The following RNF182 variants were observed in gnomAD, a reference collection of about 807,000 sequenced individuals.
The protein encoded by RNF182 is ring finger protein 182, also known as E3 ubiquitin-protein ligase RNF182.
RNF182 carries 15 observed loss-of-function variants against 14.4 expected under a neutral mutation model. The ratio of observed to expected loss-of-function variants is 1.04; its 90% CI spans 0.70 to 1.60. The LOEUF (loss-of-function observed/expected upper bound fraction) is 1.60. Among genes scored for constraint, RNF182 ranks in the 40% most tolerant of loss-of-function variants. The pLI, the probability that RNF182 is intolerant of heterozygous loss-of-function variation, is 0.00. For synonymous variants in RNF182, 128 were observed against 122.9 expected (o/e 1.04, Z -0.27); for missense variants, 268 against 294.8 (o/e 0.91, Z 0.67).
intron 1 of RNF182, among the ~76,000 whole-genome samples, chr6:13,954,277 A>G (rs1343577602): frequency 6.6e-6 from 1 of 152,218 alleles, no homozygotes; most frequent in Non-Finnish European, 1.5e-5. Flanking sequence ...CACACCAGAA[A>G]ACAATTGCAG....
rs1581264907 is a variant in RNF182 at position 13,977,450 on chromosome 6, A to C, written c.331A>C (p.Thr111Pro). 6.2e-7 allele frequency: 1 copy of C among 1,614,084 alleles called. No homozygotes were observed. The highest frequency in any genetic ancestry group is 2.2e-5 in the East Asian group (1 of 44,868). The change falls in exon 3 of 3, where the codon ACC becomes CCC. Residue 111 changes from threonine (T) to proline (P), a missense_variant. Thr to Pro is a conservative substitution (Grantham distance 38, BLOSUM62 -1). Coordinates refer to ENST00000488300, the MANE Select transcript of RNF182 (RefSeq NM_152737.4). ...LPENPTELLLTPKRLASLVSP... is the reference protein window; with the variant it reads ...LPENPTELLLPPKRLASLVSP... ...AGAGAACCCTACTGAGCTGCTGCTC[A>C]CCCCCAAGAGGCTGGCCTCTCTGGT...
intron 1 of RNF182, among the ~76,000 whole-genome samples, chr6:13,945,163 G>A (rs545416160): frequency 6.6e-6 from 1 of 152,278 alleles, no homozygotes; most frequent in East Asian, 1.9e-4. Context: ...TAGCCATCAA[G>A]CCCAGAATCT....
At chr6:13,932,106 A>G (rs958862538) in intron 1 of RNF182, among the ~76,000 whole-genome samples, 1 of 152,222 alleles carries the variant, frequency 6.6e-6, no homozygotes, top group African/African-American at 2.4e-5. Flanking sequence ...GCCATTCAGC[A>G]TATGGTATTT....
intron 1 of RNF182, among the ~76,000 whole-genome samples, chr6:13,929,236 A>G (rs1477935315): frequency 6.6e-6 from 1 of 152,216 alleles, no homozygotes; most frequent in Non-Finnish European, 1.5e-5. Context: ...CAATGGAACT[A>G]TAAAATAAAA....
intron 1 of RNF182, among the ~76,000 whole-genome samples, chr6:13,973,852 C>T (rs74696312): frequency 0.012 from 1,842 of 152,270 alleles, 33 homozygotes; most frequent in African/African-American, 0.042. Flanking sequence ...CCTAAGCTTG[C>T]ACCCCTAAAT....
At chr6:13,953,118 T>C (rs191108296) in intron 1 of RNF182, among the ~76,000 whole-genome samples, 29 of 152,334 alleles carry the variant, frequency 1.9e-4, no homozygotes, top group Middle Eastern at 6.8e-3. Context: ...CTGGGTCTGT[T>C]CAATAAACAT....
intron 1 of RNF182, among the ~76,000 whole-genome samples, chr6:13,926,905 A>T (rs746457582): frequency 3.3e-5 from 5 of 152,066 alleles, no homozygotes; most frequent in African/African-American, 4.8e-5. Context: ...TGAAACCCAC[A>T]CTGTGAGTTC....
rs145031346 is a variant in RNF182 at position 13,977,594 on chromosome 6, G to A, written c.475G>A (p.Asp159Asn). The change falls in exon 3 of 3, where the codon GAC (aspartate) becomes AAC (asparagine). Residue 159 changes from aspartate to asparagine, a missense_variant. Coordinates refer to ENST00000488300, the MANE Select transcript of RNF182 (RefSeq NM_152737.4). ...AGAATTTTATAGGCCTGCGAGTTTC[G>A]ACTCTGTCACCACTGTGTCACACAA... ...VVEFYRPASF[D>N]SVTTVSHNWT... 4.3e-5 allele frequency: 69 copies of A among 1,614,112 alleles called. No homozygotes were observed. The African/African-American group carries it at 5.5e-4, about 13-fold the overall frequency.
At chr6:13,953,811 C>T (rs980734185) in intron 1 of RNF182, among the ~76,000 whole-genome samples, 2 of 152,124 alleles carry the variant, frequency 1.3e-5, no homozygotes, top group African/African-American at 4.8e-5. Context: ...TCCTTATGGG[C>T]TCCCCCTCTA....
At chr6:13,956,646 C>T (rs1759740469) in intron 1 of RNF182, among the ~76,000 whole-genome samples, 1 of 152,072 alleles carries the variant, frequency 6.6e-6, no homozygotes, top group African/African-American at 2.4e-5. Context: ...TTAGACTACT[C>T]TATAATGTTC....
chr6:13,956,793 T>C (rs1285365737), intron 1 of RNF182, among the ~76,000 whole-genome samples: 1 of 152,136 alleles, frequency 6.6e-6, no homozygotes, highest in East Asian at 1.9e-4. Flanking sequence ...ACCACAAATA[T>C]AGGAAGAATG....
At chr6:13,934,063 A>G (rs1759044543) in intron 1 of RNF182, among the ~76,000 whole-genome samples, 1 of 152,198 alleles carries the variant, frequency 6.6e-6, no homozygotes, top group Non-Finnish European at 1.5e-5. Context: ...GCCTTACCAA[A>G]AAAGTAATGT....
intron 1 of RNF182, among the ~76,000 whole-genome samples, chr6:13,952,147 G>C (rs994018606): frequency 1.3e-5 from 2 of 152,192 alleles, no homozygotes; most frequent in African/African-American, 4.8e-5. Flanking sequence ...AGCATTGTCT[G>C]TTGTGGGGCT....
At chr6:13,948,397 TAAC>T (rs1759491188) in intron 1 of RNF182, among the ~76,000 whole-genome samples, 1 of 152,282 alleles carries the variant, frequency 6.6e-6, no homozygotes, top group East Asian at 1.9e-4. Context: ...TAATTTAAGA[TAAC>T]AATTATAACT....
In RNF182 at chr6:13,949,349, A is replaced by T. The variant is rs953319625; in HGVS notation, c.-367+24326A>T. 31 of 767,458 alleles carry T rather than the reference A, an allele frequency of 4.0e-5. No homozygotes were observed. The African/African-American group carries it at 4.8e-4, about 12-fold the overall frequency. 47.5% of individuals were successfully genotyped at this position (767,458 alleles called of 1,614,324 possible). ...TAATAGAGTGGCCCCCTTGCTTCCAAGTGTCCTGAAGCTGCCAGTCAGATC... is the reference window on the plus strand; with the variant it reads ...TAATAGAGTGGCCCCCTTGCTTCCATGTGTCCTGAAGCTGCCAGTCAGATC... On this transcript the variant is annotated intron_variant, in intron 1 of 2. Coordinates refer to ENST00000488300, the MANE Select transcript of RNF182 (RefSeq NM_152737.4).
At chr6:13,938,445 G>T (rs1197165565) in intron 1 of RNF182, among the ~76,000 whole-genome samples, 2 of 152,052 alleles carry the variant, frequency 1.3e-5, no homozygotes, top group African/African-American at 4.8e-5. Context: ...AATGAGAAGT[G>T]TTTAATTTTA....
At chr6:13,973,201 G>T (rs1438085153) in intron 1 of RNF182, among the ~76,000 whole-genome samples, 3 of 152,160 alleles carry the variant, frequency 2.0e-5, no homozygotes, top group Non-Finnish European at 4.4e-5. Flanking sequence ...TTTGGAATGG[G>T]TGTATTTATC....
intron 1 of RNF182, among the ~76,000 whole-genome samples, chr6:13,952,694 G>T (rs1759626821): frequency 1.3e-5 from 2 of 152,136 alleles, no homozygotes; most frequent in Non-Finnish European, 2.9e-5. Context: ...CCAAGAGAGG[G>T]TTCTCAGATA....
intron 1 of RNF182, among the ~76,000 whole-genome samples, chr6:13,970,582 C>A (rs1760150420): frequency 6.6e-6 from 1 of 152,032 alleles, no homozygotes; most frequent in Non-Finnish European, 1.5e-5. Flanking sequence ...ATATTGATTT[C>A]TTTTTCTTTG....
Sources: gnomAD v4.1 joint callset for allele counts (sites outside exome capture counted in the v4.1 genomes callset) on GRCh38, gnomAD v4.1.1 for gene constraint, MANE v1.5 for transcripts, NCBI Gene and HGNC (gene_info 2026-07-23, HGNC 2026-07-21) for gene names.